Variants in RIMS4 observed in about 807,000 individuals in gnomAD.
The protein encoded by RIMS4 is regulating synaptic membrane exocytosis protein 4.
RIMS4 carries 9 observed loss-of-function variants against 29.0 expected under a neutral mutation model. That is an observed-to-expected ratio of 0.31 (90% CI 0.19 to 0.54). RIMS4 has a LOEUF of 0.54. Ranked by LOEUF, RIMS4 falls within the 20% of genes least tolerant of loss-of-function variation. The pLI is 0.94. For synonymous variants in RIMS4, 130 were observed against 152.9 expected (o/e 0.85, Z 1.10); for missense variants, 193 against 365.7 (o/e 0.53, Z 3.85).
chr20:44,770,563 A>T (rs2066132565), intron 2 of RIMS4, among the ~76,000 whole-genome samples: 1 of 152,112 alleles, frequency 6.6e-6, no homozygotes, highest in Non-Finnish European at 1.5e-5. Context: ...CTCTAGGGTA[A>T]AAGCTTTTTA....
rs982789818 is a variant in RIMS4, at chr20:44,771,167, T to C, written c.236+108A>G. 7 of 1,330,768 alleles carry C rather than the reference T, an allele frequency of 5.3e-6. No individual in the cohort carries two copies. The African/African-American group carries it at 8.9e-5, about 17-fold the overall frequency. 82.4% of individuals were successfully genotyped at this position (1,330,768 alleles called of 1,614,324 possible). ...GAACCTGGAGCCCTGAGCTGGCGCT[T>C]TCACAGCCTGGAGCTGCCCTAGGGC... is the stretch of plus-strand genomic sequence containing the variant. On this transcript the variant is annotated intron_variant, in intron 2 of 5. Transcript: ENST00000372851.
At chr20:44,766,486 CAGA>C (rs1312455726) in intron 2 of RIMS4, among the ~76,000 whole-genome samples, 1 of 152,004 alleles carries the variant, frequency 6.6e-6, no homozygotes, top group African/African-American at 2.4e-5. Context: ...TGGGAAAAGT[CAGA>C]AGAATAAGTG....
At chr20:44,777,988 T>G (rs2066167838) in intron 1 of RIMS4, among the ~76,000 whole-genome samples, 1 of 152,350 alleles carries the variant, frequency 6.6e-6, no homozygotes, top group Admixed American at 6.5e-5. Flanking sequence ...CTGAGATAAA[T>G]ACCCTGGAGA....
chr20:44,793,395 T>C (rs2066241327), intron 1 of RIMS4, among the ~76,000 whole-genome samples: 1 of 152,222 alleles, frequency 6.6e-6, no homozygotes, highest in South Asian at 2.1e-4. Flanking sequence ...CACAGATGAA[T>C]GCGGAGGGGG....
intron 1 of RIMS4, among the ~76,000 whole-genome samples, chr20:44,803,393 T>G (rs2066284871): frequency 6.6e-6 from 1 of 152,092 alleles, no homozygotes; most frequent in East Asian, 1.9e-4. Context: ...TCTCCAAGGG[T>G]CCTTCCAAGA....
intron 2 of RIMS4, among the ~76,000 whole-genome samples, chr20:44,760,938 C>G (rs1008914819): frequency 6.6e-6 from 1 of 152,022 alleles, no homozygotes; most frequent in South Asian, 2.1e-4. Context: ...GGGATGTGGG[C>G]GGCAATACAA....
At chr20:44,785,933 A>T (rs2066206625) in intron 1 of RIMS4, among the ~76,000 whole-genome samples, 1 of 152,054 alleles carries the variant, frequency 6.6e-6, no homozygotes, top group African/African-American at 2.4e-5. Flanking sequence ...CCAGGCCTGG[A>T]GGGTGATGGG....
chr20:44,809,443 G>A (rs1265576363), intron 1 of RIMS4, among the ~76,000 whole-genome samples: 1 of 152,064 alleles, frequency 6.6e-6, no homozygotes, highest in Non-Finnish European at 1.5e-5. Context: ...GCTGGCTGGT[G>A]GCCGGCTTCA....
chr20:44,802,849 T>C (rs1190090292), intron 1 of RIMS4, among the ~76,000 whole-genome samples: 2 of 152,126 alleles, frequency 1.3e-5, no homozygotes, highest in Non-Finnish European at 2.9e-5. Flanking sequence ...TGGTCTGTCA[T>C]CTCTAGCCAC....
In RIMS4 at chr20:44,756,088, TG is replaced by T; in HGVS notation, c.*45del. 6.8e-7 allele frequency: 1 copy of T among 1,466,806 alleles called. No homozygotes were observed. The allele number at this position is 1,466,806 out of a possible 1,614,324, so 90.9% of individuals were successfully genotyped here. A position where few individuals can be genotyped will look rare whatever the true frequency, so the allele number is the denominator to read the frequency against. ...TGGGCCTGGGGTCCCAGGTCAGGGC[TG>T]GGTGGTCTCCAGGCCATCTTGGGGA... is the stretch of plus-strand genomic sequence containing the variant. On this transcript the variant is annotated 3_prime_UTR_variant, in exon 6 of 6. Coordinates refer to ENST00000372851, the MANE Select transcript of RIMS4 (RefSeq NM_182970.4). This position sits in a 1 kb window ranked among gnomAD's most constrained non-coding sequence, Gnocchi z 5.9.
intron 1 of RIMS4, among the ~76,000 whole-genome samples, chr20:44,802,874 T>C (rs1170424171): frequency 1.3e-5 from 2 of 152,236 alleles, no homozygotes; most frequent in Admixed American, 6.5e-5. Context: ...GTCTGCTTTC[T>C]ATTCCCTAAA....
At position 44,757,043 on chromosome 20, in the gene RIMS4, G is replaced by A. The variant is rs1286737567; in HGVS notation, c.452-6C>T. ...GTAGGCCTTGATGTAGGCCGCTGGG[G>A]ATAGAGGCCAGCAGGGGTGAGTTCT... On this transcript the variant is annotated splice_region_variant and splice_polypyrimidine_tract_variant and intron_variant, in intron 4 of 5. Transcript: ENST00000372851. 1.5e-5 allele frequency: 24 copies of A among 1,613,076 alleles called. No individual in the cohort carries two copies. In the East Asian group the frequency reaches 5.4e-4, roughly 36 times the overall value.
At chr20:44,764,260 A>ATC (rs1555859479) in intron 2 of RIMS4, among the ~76,000 whole-genome samples, 1 of 151,780 alleles carries the variant, frequency 6.6e-6, no homozygotes, top group Non-Finnish European at 1.5e-5. Context: ...CCATCCTCCC[A>ATC]CAAACTCACC....
In RIMS4 at chr20:44,756,807, AC is replaced by A; in HGVS notation, c.591+90del. On this transcript the variant is annotated intron_variant, in intron 5 of 5. Transcript: ENST00000372851. This position sits in a 1 kb window ranked among gnomAD's most constrained non-coding sequence, Gnocchi z 5.9. ...CCTCCAGGCGAGGCCCTCCAGAGAC[AC>A]CCCCCGCCAGGGGTGCCCTCCTCTC... 12 of 1,336,860 alleles carry A rather than the reference AC, an allele frequency of 9.0e-6. No individual in the cohort carries two copies. The South Asian group carries it at 9.1e-5, about 10-fold the overall frequency. 82.8% of individuals were successfully genotyped at this position (1,336,860 alleles called of 1,614,324 possible).
chr20:44,785,579 C>A (rs2145466247), intron 1 of RIMS4, among the ~76,000 whole-genome samples: 1 of 152,128 alleles, frequency 6.6e-6, no homozygotes, highest in East Asian at 1.9e-4. Context: ...GAGGATGCAA[C>A]AGGGGATAGA....
chr20:44,767,185 T>G (rs1261671827), intron 2 of RIMS4, among the ~76,000 whole-genome samples: 2 of 152,240 alleles, frequency 1.3e-5, no homozygotes, highest in Admixed American at 1.3e-4. Context: ...GTCTCAGGTC[T>G]GGTTCTGGGA....
At chr20:44,780,344 G>GA (rs1185817279) in intron 1 of RIMS4, among the ~76,000 whole-genome samples, 8 of 152,200 alleles carry the variant, frequency 5.3e-5, no homozygotes, top group Admixed American at 5.2e-4. Context: ...GCGTGTGCAG[G>GA]AACTGTCCGT....
intron 1 of RIMS4, among the ~76,000 whole-genome samples, chr20:44,776,603 G>C (rs2066161156): frequency 6.6e-6 from 1 of 152,134 alleles, no homozygotes; most frequent in South Asian, 2.1e-4. Context: ...CATATAATAG[G>C]GATAAAAGCA....
intron 1 of RIMS4, among the ~76,000 whole-genome samples, chr20:44,784,794 T>C (rs2066200742): frequency 6.6e-6 from 1 of 152,224 alleles, no homozygotes. Context: ...GCACCTCCCT[T>C]GGTTGCTTTT....
Sources: gnomAD v4.1 joint callset for allele counts (sites outside exome capture counted in the v4.1 genomes callset) on GRCh38, gnomAD v4.1.1 for gene constraint, Gnocchi (gnomAD v3.1) non-coding constraint, MANE v1.5 for transcripts, NCBI Gene and HGNC (gene_info 2026-07-23, HGNC 2026-07-21) for gene names.